Variants in HIVEP3 observed in about 807,000 individuals in gnomAD.
HIVEP3 encodes the protein HIVEP zinc finger 3.
HIVEP3 carries 49 observed loss-of-function variants against 152.8 expected under a neutral mutation model. The ratio of observed to expected loss-of-function variants is 0.32; its 90% CI spans 0.26 to 0.41. HIVEP3 has a LOEUF of 0.41. Among genes scored for constraint, HIVEP3 ranks in the 10% least tolerant of loss-of-function variants. HIVEP3 has a pLI of 1.00. For missense variants in HIVEP3, 2,790 were observed against 3,103.3 expected (o/e 0.90, Z 2.40); for synonymous variants, 1,269 against 1,289.0 (o/e 0.98, Z 0.33).
intron 1 of HIVEP3, among the ~76,000 whole-genome samples, chr1:41,877,354 G>C (rs1307671518): frequency 6.6e-6 from 1 of 152,214 alleles, no homozygotes; most frequent in Non-Finnish European, 1.5e-5. Context: ...TTGAAGCTGT[G>C]ATATTTCTGA....
intron 3 of HIVEP3, among the ~76,000 whole-genome samples, chr1:41,610,092 G>C (rs1644877181): frequency 6.6e-6 from 1 of 152,116 alleles, no homozygotes; most frequent in Non-Finnish European, 1.5e-5. Context: ...CAGCCTGCTG[G>C]CCCATCCTGC....
chr1:41,862,097 C>A (rs924732815), intron 1 of HIVEP3, among the ~76,000 whole-genome samples: 5 of 152,176 alleles, frequency 3.3e-5, no homozygotes, highest in African/African-American at 1.2e-4. Context: ...GTTCGAGCAG[C>A]TTTACAAGAA....
At chr1:41,650,893 T>G (rs999599827) in intron 2 of HIVEP3, among the ~76,000 whole-genome samples, 1 of 152,220 alleles carries the variant, frequency 6.6e-6, no homozygotes, top group Non-Finnish European at 1.5e-5. Context: ...CTGGCACAAA[T>G]GCACCATAAA....
At chr1:41,858,404 G>A (rs902107587) in intron 1 of HIVEP3, among the ~76,000 whole-genome samples, 1 of 152,204 alleles carries the variant, frequency 6.6e-6, no homozygotes, top group East Asian at 1.9e-4. Flanking sequence ...GAAAAAGGAT[G>A]AGATGTGTGT....
chr1:41,550,675 T>C (rs2149080892), intron 5 of HIVEP3, among the ~76,000 whole-genome samples: 1 of 152,304 alleles, frequency 6.6e-6, no homozygotes, highest in South Asian at 2.1e-4. Context: ...GGCTCTCTGT[T>C]TGTCTGTTAT....
chr1:41,544,499 T>C (rs1643612520), intron 5 of HIVEP3, among the ~76,000 whole-genome samples: 1 of 151,662 alleles, frequency 6.6e-6, no homozygotes, highest in Non-Finnish European at 1.5e-5. Flanking sequence ...CTCTAGGGCA[T>C]GGAATAACTG....
intron 1 of HIVEP3, among the ~76,000 whole-genome samples, chr1:41,710,678 A>C (rs1261867373): frequency 6.6e-6 from 1 of 152,142 alleles, no homozygotes; most frequent in East Asian, 1.9e-4. Flanking sequence ...CTGTGTCTAG[A>C]AACTATGTGT....
chr1:42,035,861 G>T, exon 1 of HIVEP3: 2 of 149,712 alleles, frequency 1.3e-5, no homozygotes, highest in South Asian at 3.7e-4. Flanking sequence ...GGTGGCGGGC[G>T]GCGGGCGGCA....
chr1:41,657,429 G>C (rs1050856383), intron 2 of HIVEP3, among the ~76,000 whole-genome samples: 1 of 152,230 alleles, frequency 6.6e-6, no homozygotes, highest in Non-Finnish European at 1.5e-5. Flanking sequence ...AGATGGCGGA[G>C]CTGGTAATTC....
chr1:41,695,672 G>C lies in HIVEP3; in HGVS notation c.-721+5244C>G, dbSNP rs1048148156. 3.9e-5 allele frequency among the ~76,000 whole-genome samples: 6 copies of C among 152,326 alleles called. 1 individual carries two copies. The highest frequency in any genetic ancestry group is 3.3e-4 in the Admixed American group (5 of 15,306). On this transcript the variant is annotated intron_variant, in intron 2 of 8. Transcript: ENST00000372583. ...ACTGTGGAGGTTGGATGTCAGGTGA[G>C]GGCATATGGGCTTCATCCTGTGGGC...
At chr1:41,532,582 T>A (rs1445488911) in intron 5 of HIVEP3, among the ~76,000 whole-genome samples, 1 of 152,158 alleles carries the variant, frequency 6.6e-6, no homozygotes, top group African/African-American at 2.4e-5. Flanking sequence ...CCCAGGCTCA[T>A]GTTCTAGAAC....
At chr1:41,767,642 G>A (rs1285413731) in intron 1 of HIVEP3, among the ~76,000 whole-genome samples, 1 of 152,222 alleles carries the variant, frequency 6.6e-6, no homozygotes, top group Non-Finnish European at 1.5e-5. Flanking sequence ...CAGAGCTGAA[G>A]GACTCTCCCT....
At chr1:41,820,873 A>G (rs61773743) in intron 1 of HIVEP3, among the ~76,000 whole-genome samples, 2,971 of 152,360 alleles carry the variant, frequency 0.019, 55 homozygotes, top group Admixed American at 0.045. Flanking sequence ...GCATGAATGA[A>G]CACTTGAATC....
intron 5 of HIVEP3, among the ~76,000 whole-genome samples, chr1:41,553,814 A>T (rs1052866809): frequency 1.3e-5 from 2 of 152,206 alleles, no homozygotes; most frequent in African/African-American, 4.8e-5. Flanking sequence ...AAGAATGTTG[A>T]ATATTGGCCC....
intron 1 of HIVEP3, among the ~76,000 whole-genome samples, chr1:42,019,185 G>A (rs1645540133): frequency 6.6e-6 from 1 of 151,958 alleles, no homozygotes; most frequent in South Asian, 2.1e-4. Flanking sequence ...AGTTATCTCA[G>A]CCTCCTTCAT....
intron 2 of HIVEP3, among the ~76,000 whole-genome samples, chr1:41,639,081 G>A (rs1026116831): frequency 3.3e-5 from 5 of 152,186 alleles, no homozygotes; most frequent in Admixed American, 1.3e-4. Context: ...AGAAGGGGCC[G>A]GCACATGGAA....
At chr1:41,739,239 C>G (rs1447958714) in intron 1 of HIVEP3, among the ~76,000 whole-genome samples, 1 of 152,222 alleles carries the variant, frequency 6.6e-6, no homozygotes, top group African/African-American at 2.4e-5. Context: ...CTGGAGGTCA[C>G]GTGCACAGAG....
chr1:41,544,748 TACCACC>T (rs1288409899), intron 5 of HIVEP3, among the ~76,000 whole-genome samples: 12 of 85,128 alleles, frequency 1.4e-4, no homozygotes, highest in African/African-American at 4.7e-4. Context: ...TCACCACCAC[TACCACC>T]ACCATCACCA....
intron 1 of HIVEP3, among the ~76,000 whole-genome samples, chr1:41,916,262 T>C (rs1051459007): frequency 1.3e-5 from 2 of 152,252 alleles, no homozygotes; most frequent in East Asian, 1.9e-4. Flanking sequence ...AGCTCAACAA[T>C]AGTGCCAGTT....
Sources: gnomAD v4.1 joint callset for allele counts (sites outside exome capture counted in the v4.1 genomes callset) on GRCh38, gnomAD v4.1.1 for gene constraint, MANE v1.5 for transcripts, NCBI Gene and HGNC (gene_info 2026-07-23, HGNC 2026-07-21) for gene names.